The following ITPR2 variants were observed in gnomAD, a reference collection of about 807,000 sequenced individuals.
ITPR2 encodes the protein inositol 1,4,5-trisphosphate receptor type 2, also known as inositol 1,4,5-trisphosphate-gated calcium channel ITPR2.
ITPR2 carries 207 observed loss-of-function variants against 317.1 expected under a neutral mutation model. That is an observed-to-expected ratio of 0.65 (90% confidence interval 0.58 to 0.73). The LOEUF (loss-of-function observed/expected upper bound fraction) is 0.73, where lower values mean the gene tolerates loss of function less well. Among genes scored for constraint, ITPR2 ranks in the 30% least tolerant of loss-of-function variants. ITPR2 has a pLI of 0.00. For missense variants in ITPR2, 2,613 were observed against 3,284.0 expected (o/e 0.80, Z 4.99); for synonymous variants, 1,156 against 1,149.1 (o/e 1.01, Z -0.12).
At chr12:26,574,273 T>G (rs1433144387) in intron 34 of ITPR2, among the ~76,000 whole-genome samples, 1 of 152,152 alleles carries the variant, frequency 6.6e-6, no homozygotes, top group African/African-American at 2.4e-5. Context: ...AATTATTGTG[T>G]TCCTCCTCAG....
Position 26,336,808 on chromosome 12 carries a change from T to A in ITPR2, c.*2589A>T, listed in dbSNP as rs1311497905. ...TGATGTCACTATATAAATACAAGGA[T>A]GTTAACTGATACTCACCTAAGTCAA... On this transcript the variant is annotated 3_prime_UTR_variant, in exon 57 of 57. Coordinates refer to ENST00000381340, the MANE Select transcript of ITPR2 (RefSeq NM_002223.4). 2.0e-5 allele frequency: 3 copies of A among 152,162 alleles called. No homozygotes were observed. In the East Asian group the frequency reaches 5.8e-4, roughly 29 times the overall value. The allele number at this position is 152,162 out of a possible 1,614,324, so 9.4% of individuals were successfully genotyped here.
chr12:26,602,519 T>A, intron 27 of ITPR2, 24 bp from the exon 28 acceptor site: 1 of 1,598,958 alleles, frequency 6.3e-7, no homozygotes, highest in Non-Finnish European at 8.5e-7. Context: ...AGGGAAAGCA[T>A]CAAATATAAT....
intron 37 of ITPR2, among the ~76,000 whole-genome samples, chr12:26,543,569 T>G (rs1044057887): frequency 4.0e-5 from 6 of 151,592 alleles, no homozygotes; most frequent in African/African-American, 1.5e-4. Flanking sequence ...AGGTCAGGAG[T>G]TCAAGACCAG....
chr12:26,767,190 T>C (rs1444269621), intron 2 of ITPR2, among the ~76,000 whole-genome samples: 1 of 152,186 alleles, frequency 6.6e-6, no homozygotes, highest in African/African-American at 2.4e-5. Flanking sequence ...GTTCTTCACA[T>C]GGAGCATCAA....
At chr12:26,690,250 G>A (rs1948210801) in intron 10 of ITPR2, among the ~76,000 whole-genome samples, 1 of 152,170 alleles carries the variant, frequency 6.6e-6, no homozygotes, top group Non-Finnish European at 1.5e-5. Context: ...CAGTCATATT[G>A]AACCATGTTT....
chr12:26,787,922 CTTTTTTTTTT>C (rs71069268), intron 2 of ITPR2, among the ~76,000 whole-genome samples: 1 of 120,206 alleles, frequency 8.3e-6, no homozygotes, highest in Admixed American at 8.6e-5. Flanking sequence ...GGTGACTATC[CTTTTTTTTTT>C]TTTTTTTTTG....
intron 13 of ITPR2, 111 bp from the exon 14 acceptor site, chr12:26,666,162 A>ATAGATAGATATAT: frequency 2.5e-6 from 1 of 398,884 alleles, no homozygotes; most frequent in Non-Finnish European, 4.3e-6. Flanking sequence ...AGATAGATAG[A>ATAGATAGATATAT]TTTTTTTTTA....
rs574992695 is a variant in ITPR2, at chr12:26,390,274, G to C, written c.7697-2680C>G. On this transcript the variant is annotated intron_variant, in intron 54 of 56. Coordinates refer to ENST00000381340, the MANE Select transcript of ITPR2 (RefSeq NM_002223.4). ...CCCACTCCTGGGTATATATTCAAGA[G>C]AACTGAAAATGTATGTTCACATAAA... 8.5e-5 allele frequency among the ~76,000 whole-genome samples: 13 copies of C among 152,208 alleles called. No homozygotes were observed. In the East Asian group the frequency reaches 2.5e-3, roughly 29 times the overall value.
intron 2 of ITPR2, among the ~76,000 whole-genome samples, chr12:26,741,162 G>A (rs969549626): frequency 6.6e-6 from 1 of 152,262 alleles, no homozygotes; most frequent in Non-Finnish European, 1.5e-5. Context: ...CTCCCATTGA[G>A]GGGGAGAGCT....
intron 26 of ITPR2, among the ~76,000 whole-genome samples, chr12:26,619,886 G>C (rs3782298): frequency 1.3e-5 from 2 of 152,018 alleles, no homozygotes; most frequent in Non-Finnish European, 1.5e-5. Flanking sequence ...CTAAGTACCA[G>C]GATGATGTCC....
At chr12:26,443,173 T>G (rs1941527044) in intron 46 of ITPR2, among the ~76,000 whole-genome samples, 1 of 152,198 alleles carries the variant, frequency 6.6e-6, no homozygotes, top group African/African-American at 2.4e-5. Flanking sequence ...TTGCTGGAGA[T>G]CTCTATTTTA....
chr12:26,490,495 T>G (rs1942774739), intron 39 of ITPR2, among the ~76,000 whole-genome samples: 1 of 152,224 alleles, frequency 6.6e-6, no homozygotes, highest in Non-Finnish European at 1.5e-5. Context: ...CGAAGCCTGA[T>G]GCACACATGA....
At chr12:26,553,231 G>A (rs1158689454) in intron 36 of ITPR2, among the ~76,000 whole-genome samples, 1 of 152,208 alleles carries the variant, frequency 6.6e-6, no homozygotes, top group Non-Finnish European at 1.5e-5. Context: ...TCACAAGGGA[G>A]AAGTAGGTGT....
intron 5 of ITPR2, chr12:26,721,165 A>G: frequency 2.4e-6 from 1 of 425,448 alleles, no homozygotes; most frequent in Non-Finnish European, 4.2e-6. Flanking sequence ...TATCATGCTC[A>G]CAGCACACAT....
intron 13 of ITPR2, among the ~76,000 whole-genome samples, chr12:26,670,330 C>A (rs1230787957): frequency 1.3e-5 from 2 of 152,092 alleles, no homozygotes; most frequent in East Asian, 1.9e-4. Flanking sequence ...TTCACACGGC[C>A]GGGTACTCCT....
At chr12:26,763,625 T>G (rs1319221670) in intron 2 of ITPR2, among the ~76,000 whole-genome samples, 1 of 152,150 alleles carries the variant, frequency 6.6e-6, no homozygotes, top group East Asian at 1.9e-4. Context: ...TTTATTTCTT[T>G]TAGAAGTTCT....
At chr12:26,520,719 A>T (rs1199313466) in intron 37 of ITPR2, among the ~76,000 whole-genome samples, 1 of 152,122 alleles carries the variant, frequency 6.6e-6, no homozygotes, top group East Asian at 1.9e-4. Flanking sequence ...TTCATATTAA[A>T]TTTTTTGTTA....
At chr12:26,399,187 C>A (rs1356371417) in intron 53 of ITPR2, 146 bp from the exon 54 acceptor site, 1 of 584,600 alleles carries the variant, frequency 1.7e-6, no homozygotes, top group Non-Finnish European at 2.7e-6. Context: ...TCCATCTCTA[C>A]TTTAAGTGTT....
chr12:26,454,025 TGGATGGATGGATGGATGGAC>T (rs1941812969), intron 45 of ITPR2, among the ~76,000 whole-genome samples: 1 of 152,072 alleles, frequency 6.6e-6, no homozygotes, highest in African/African-American at 2.4e-5. Context: ...GGTGAATGGA[TGGATGGATGGATGGATGGAC>T]GGATGGATGG....
Sources: allele counts gnomAD v4.1 joint callset (sites outside exome capture counted in the v4.1 genomes callset), GRCh38; gene constraint gnomAD v4.1.1; transcripts MANE v1.5; gene names NCBI Gene and HGNC (gene_info 2026-07-23, HGNC 2026-07-21).